The following CCSER1 variants were observed in gnomAD, a reference collection of about 807,000 sequenced individuals.
CCSER1 encodes the protein coiled-coil serine rich protein 1.
A neutral mutation model predicts 82.0 loss-of-function variants in CCSER1; 41 were observed. The observed-to-expected ratio is 0.50, with a 90% confidence interval of 0.39 to 0.65. CCSER1 has a LOEUF of 0.65. CCSER1 is among the 30% of genes least tolerant of loss of function. CCSER1 has a pLI of 0.00. For missense variants in CCSER1, 1,119 were observed against 1,064.2 expected, an observed-to-expected ratio of 1.05 and a Z score of -0.72; for synonymous variants, 414 against 383.9, an observed-to-expected ratio of 1.08 and a Z score of -0.92.
chr4:91,442,763 A>G (rs1436860272), intron 10 of CCSER1, among the ~76,000 whole-genome samples: 2 of 147,460 alleles, frequency 1.4e-5, no homozygotes, highest in African/African-American at 5.0e-5. Flanking sequence ...AATGAACTCA[A>G]ACAAATTTAC....
At chr4:91,535,101 T>C (rs1169037836) in intron 10 of CCSER1, among the ~76,000 whole-genome samples, 1 of 151,932 alleles carries the variant, frequency 6.6e-6, no homozygotes, top group Non-Finnish European at 1.5e-5. Flanking sequence ...AAATATAAAC[T>C]AGAGGATTTT....
At chr4:91,323,007 G>A (rs1167136189) in intron 10 of CCSER1, among the ~76,000 whole-genome samples, 1 of 152,168 alleles carries the variant, frequency 6.6e-6, no homozygotes, top group Non-Finnish European at 1.5e-5. Context: ...AGTAAGATCT[G>A]CTGAGAGAGG....
intron 1 of CCSER1, among the ~76,000 whole-genome samples, chr4:90,133,181 A>C (rs1723095014): frequency 6.6e-6 from 1 of 152,218 alleles, no homozygotes; most frequent in Non-Finnish European, 1.5e-5. Flanking sequence ...CTGGTAGTAA[A>C]CTAAGGTTCA....
intron 8 of CCSER1, among the ~76,000 whole-genome samples, chr4:90,850,939 T>G (rs1301383397): frequency 6.6e-6 from 1 of 152,152 alleles, no homozygotes; most frequent in Non-Finnish European, 1.5e-5. Flanking sequence ...ATTCCCCACA[T>G]TTCAAGGGTA....
intron 8 of CCSER1, among the ~76,000 whole-genome samples, chr4:90,896,696 A>T (rs1366337502): frequency 6.6e-6 from 1 of 151,942 alleles, no homozygotes; most frequent in Non-Finnish European, 1.5e-5. Flanking sequence ...AAAAACTGGT[A>T]CACACATTTT....
chr4:90,323,998 C>T (rs1459436120), intron 3 of CCSER1, among the ~76,000 whole-genome samples: 3 of 152,142 alleles, frequency 2.0e-5, no homozygotes, highest in Non-Finnish European at 2.9e-5. Context: ...AGGACATGAA[C>T]TCATCATTGT....
intron 10 of CCSER1, among the ~76,000 whole-genome samples, chr4:91,266,597 A>G (rs1741610175): frequency 6.6e-6 from 1 of 152,126 alleles, no homozygotes. Flanking sequence ...ACTATGCAAG[A>G]AAGAGGAAGA....
intron 8 of CCSER1, among the ~76,000 whole-genome samples, chr4:90,882,012 G>A (rs774682262): frequency 1.3e-5 from 2 of 151,562 alleles, no homozygotes; most frequent in Non-Finnish European, 2.9e-5. Context: ...TTAAACCCTT[G>A]GAATCTAGTA....
intron 1 of CCSER1, among the ~76,000 whole-genome samples, chr4:90,283,796 GTA>G (rs948040248): frequency 1.6e-4 from 24 of 152,012 alleles, no homozygotes; most frequent in Non-Finnish European, 3.2e-4. Flanking sequence ...GCATGGAAAT[GTA>G]TATCTCTTTT....
chr4:91,115,861 T>TATATATATATA (rs757901995), intron 10 of CCSER1, among the ~76,000 whole-genome samples: 162 of 133,548 alleles, frequency 1.2e-3, no homozygotes, highest in Admixed American at 3.5e-3. Flanking sequence ...ATATATATAT[T>TATATATATATA]TTTTTTTATT....
At chr4:90,214,067 A>G (rs1740552197) in intron 1 of CCSER1, among the ~76,000 whole-genome samples, 1 of 152,216 alleles carries the variant, frequency 6.6e-6, no homozygotes. Flanking sequence ...AATAATCTAA[A>G]GAAGATAAAA....
intron 10 of CCSER1, among the ~76,000 whole-genome samples, chr4:91,267,940 CTG>C (rs1741727842): frequency 6.6e-6 from 1 of 152,172 alleles, no homozygotes; most frequent in African/African-American, 2.4e-5. Flanking sequence ...ATATCTACCT[CTG>C]TGTTTCTTAC....
chr4:90,426,879 G>A (rs1334453161), intron 4 of CCSER1, among the ~76,000 whole-genome samples: 2 of 151,960 alleles, frequency 1.3e-5, no homozygotes, highest in Non-Finnish European at 2.9e-5. Context: ...TACTAGAATA[G>A]GCTTCAAGTT....
chr4:91,216,511 G>A (rs777932151), intron 10 of CCSER1, among the ~76,000 whole-genome samples: 40 of 151,986 alleles, frequency 2.6e-4, no homozygotes, highest in African/African-American at 4.4e-4. Flanking sequence ...TAGTAGAGAC[G>A]GGGTTTCACC....
chr4:91,484,655 T>G (rs1758124127), intron 10 of CCSER1, among the ~76,000 whole-genome samples: 1 of 152,184 alleles, frequency 6.6e-6, no homozygotes, highest in Admixed American at 6.5e-5. Context: ...GACAAGTGAT[T>G]TTTAGCTTCT....
intron 6 of CCSER1, among the ~76,000 whole-genome samples, chr4:90,691,201 C>T (rs752388530): frequency 2.0e-5 from 3 of 152,010 alleles, no homozygotes; most frequent in Admixed American, 1.3e-4. Context: ...TTTAATTTTA[C>T]TATTAAATCT....
chr4:90,243,713 A>G, intron 1 of CCSER1, among the ~76,000 whole-genome samples: 1 of 152,192 alleles, frequency 6.6e-6, no homozygotes, highest in East Asian at 1.9e-4. Context: ...CATTACATAT[A>G]TAGTCACTTG....
chr4:90,198,636 C>T (rs1050546910), intron 1 of CCSER1, among the ~76,000 whole-genome samples: 16 of 152,062 alleles, frequency 1.1e-4, no homozygotes, highest in African/African-American at 3.9e-4. Flanking sequence ...AACTTCAATT[C>T]ACTTTTGTCT....
intron 10 of CCSER1, among the ~76,000 whole-genome samples, chr4:91,159,970 C>T (rs1311234095): frequency 2.0e-5 from 3 of 151,838 alleles, no homozygotes; most frequent in African/African-American, 4.8e-5. Context: ...CCTAGGTATA[C>T]ATGTGCCATG....
Sources: allele counts gnomAD v4.1 joint callset (sites outside exome capture counted in the v4.1 genomes callset), GRCh38; gene constraint gnomAD v4.1.1; transcripts MANE v1.5; gene names NCBI Gene and HGNC (gene_info 2026-07-23, HGNC 2026-07-21).